The following YES1 variants were observed in gnomAD, a reference collection of about 807,000 sequenced individuals.
YES1 encodes the protein YES proto-oncogene 1, Src family tyrosine kinase, also known as tyrosine-protein kinase Yes.
In YES1, 39 loss-of-function variants were observed where a neutral mutation model predicts 70.4. The ratio of observed to expected loss-of-function variants is 0.55; its 90% CI spans 0.43 to 0.72. YES1 has a LOEUF of 0.72. Ranked by LOEUF, YES1 falls within the 30% of genes least tolerant of loss-of-function variation. The pLI is 0.00. For synonymous variants in YES1, 198 were observed against 218.6 expected, an observed-to-expected ratio of 0.91 and a Z score of 0.83; for missense variants, 495 against 644.8, an observed-to-expected ratio of 0.77 and a Z score of 2.52.
At chr18:797,006 ATTT>A (rs1906581281) in intron 1 of YES1, among the ~76,000 whole-genome samples, 2 of 152,180 alleles carry the variant, frequency 1.3e-5, no homozygotes, top group African/African-American at 4.8e-5. Flanking sequence ...TGTAAGTAGA[ATTT>A]TTAACATCAT....
chr18:739,492 A>T (rs998737262), intron 9 of YES1: 2 of 342,086 alleles, frequency 5.8e-6, no homozygotes, highest in African/African-American at 4.2e-5. Context: ...AGTCCTAGCT[A>T]CCCAGGAGGC....
At chr18:792,838 T>C (rs1849133140) in intron 1 of YES1, among the ~76,000 whole-genome samples, 1 of 143,970 alleles carries the variant, frequency 6.9e-6, no homozygotes, top group South Asian at 2.3e-4. Flanking sequence ...AGAAGAAAAG[T>C]TATTTATCTC....
chr18:781,721 G>A (rs1221061985), intron 1 of YES1, among the ~76,000 whole-genome samples: 2 of 151,934 alleles, frequency 1.3e-5, no homozygotes, highest in Non-Finnish European at 2.9e-5. Context: ...TAGCTACTGT[G>A]ATCCTTGATC....
intron 1 of YES1, among the ~76,000 whole-genome samples, chr18:761,031 C>T (rs1321550497): frequency 3.3e-5 from 5 of 152,090 alleles, no homozygotes; most frequent in Non-Finnish European, 7.4e-5. Context: ...AAAATGCATC[C>T]AACCTTCCCA....
chr18:750,227 T>C (rs987175346), intron 3 of YES1, among the ~76,000 whole-genome samples: 3 of 152,236 alleles, frequency 2.0e-5, no homozygotes, highest in Non-Finnish European at 1.5e-5. Flanking sequence ...CACTTTCAGA[T>C]ACACAAACCA....
chr18:755,373 C>T (rs1006066356), intron 2 of YES1, among the ~76,000 whole-genome samples: 2 of 151,970 alleles, frequency 1.3e-5, no homozygotes, highest in Non-Finnish European at 2.9e-5. Flanking sequence ...CTCAGCCTCC[C>T]GAGTAGCTGG....
intron 2 of YES1, among the ~76,000 whole-genome samples, chr18:754,606 G>T (rs2080382527): frequency 6.6e-6 from 1 of 151,890 alleles, no homozygotes; most frequent in Non-Finnish European, 1.5e-5. Flanking sequence ...AGCTACTCGG[G>T]AGGCTAAGGC....
intron 8 of YES1, among the ~76,000 whole-genome samples, chr18:742,027 C>A (rs2080222048): frequency 6.6e-6 from 1 of 152,038 alleles, no homozygotes; most frequent in African/African-American, 2.4e-5. Context: ...TCCTTGTCAC[C>A]ACTAGATGGA....
intron 1 of YES1, among the ~76,000 whole-genome samples, chr18:761,799 T>C (rs1161545540): frequency 6.6e-6 from 1 of 152,254 alleles, no homozygotes; most frequent in South Asian, 2.1e-4. Flanking sequence ...TCATCTCATT[T>C]TGAAATATTA....
intron 1 of YES1, among the ~76,000 whole-genome samples, chr18:774,514 C>T (rs780288432): frequency 2.1e-4 from 32 of 152,294 alleles, no homozygotes; most frequent in South Asian, 4.1e-4. Context: ...TAAATGTTAA[C>T]GCCATTCTTC....
intron 1 of YES1, among the ~76,000 whole-genome samples, chr18:782,133 C>A (rs906104032): frequency 2.6e-5 from 4 of 152,220 alleles, no homozygotes; most frequent in African/African-American, 9.6e-5. Context: ...CTCTCCTTCA[C>A]CACCTCCATG....
chr18:788,009 GTA>G (rs1906053598), intron 1 of YES1: 1 of 152,134 alleles, frequency 6.6e-6, no homozygotes, highest in Non-Finnish European at 1.5e-5. Context: ...AAAACAGCAC[GTA>G]TATGAGAAAG....
At chr18:737,105 A>G (rs145760770) in intron 9 of YES1, 144 bp from the exon 10 acceptor site, 113 of 676,350 alleles carry the variant, frequency 1.7e-4, no homozygotes, top group African/African-American at 1.6e-3. Flanking sequence ...AGTCTAGAAG[A>G]TAACAGGAAA....
In YES1 at chr18:721,944, C is replaced by G. The variant is rs1328696521; in HGVS notation, c.*2480G>C. 1 of 152,538 alleles carries G rather than the reference C, an allele frequency of 6.6e-6. No homozygotes were observed. The highest frequency in any genetic ancestry group is 1.5e-5 in the Non-Finnish European group (1 of 68,024). 9.4% of individuals were successfully genotyped at this position (152,538 alleles called of 1,614,324 possible). ...ACGAAAAGCTGTTGGAAAATATCTC[C>G]AAATTTACAAAGTTGTTTTTCTTGG... is the stretch of plus-strand genomic sequence containing the variant. On this transcript the variant is annotated 3_prime_UTR_variant, in exon 12 of 12. Coordinates refer to ENST00000314574, the MANE Select transcript of YES1 (RefSeq NM_005433.4).
intron 11 of YES1, among the ~76,000 whole-genome samples, chr18:727,028 A>G (rs111232778): frequency 6.6e-6 from 1 of 152,126 alleles, no homozygotes; most frequent in African/African-American, 2.4e-5. Context: ...CGTCAAAGAA[A>G]GACAATGAAT....
chr18:801,102 C>T (rs1020182081), intron 1 of YES1, among the ~76,000 whole-genome samples: 5 of 152,022 alleles, frequency 3.3e-5, no homozygotes, highest in South Asian at 4.1e-4. Context: ...GCTGAGATCA[C>T]GTCACAGCAC....
intron 1 of YES1, among the ~76,000 whole-genome samples, chr18:794,462 G>A (rs1375217198): frequency 1.3e-5 from 2 of 152,086 alleles, no homozygotes; most frequent in African/African-American, 4.8e-5. Flanking sequence ...TTGGATTTTT[G>A]TTATAAAGAA....
At chr18:800,446 A>C (rs1184294103) in intron 1 of YES1, among the ~76,000 whole-genome samples, 1 of 152,232 alleles carries the variant, frequency 6.6e-6, no homozygotes, top group Non-Finnish European at 1.5e-5. Context: ...TTATGTAAAG[A>C]CTTAATAAAC....
rs370733020 is a variant in YES1, at chr18:724,411, T to A, written c.*13A>T. 5 of 1,610,596 alleles carry A rather than the reference T, an allele frequency of 3.1e-6. No individual in the cohort carries two copies. Among genetic ancestry groups the A allele is most frequent in the Non-Finnish European group, 4.2e-6 (5 of 1,177,838 alleles). On this transcript the variant is annotated 3_prime_UTR_variant, in exon 12 of 12. Transcript: ENST00000314574. ...TTTTGGCAGATTTGTGCATATAAAA[T>A]AGGCTACTTGAATTATAAATTTTCT...
Sources: gnomAD v4.1 joint callset for allele counts (sites outside exome capture counted in the v4.1 genomes callset) on GRCh38, gnomAD v4.1.1 for gene constraint, MANE v1.5 for transcripts, NCBI Gene and HGNC (gene_info 2026-07-23, HGNC 2026-07-21) for gene names.